Variants in SCFD2 observed in about 807,000 individuals in gnomAD.
SCFD2 encodes sec1 family domain-containing protein 2.
In SCFD2, 54 loss-of-function variants were observed where a neutral mutation model predicts 58.9. The ratio of observed to expected loss-of-function variants is 0.92; its 90% confidence interval spans 0.74 to 1.15. The LOEUF is 1.15. SCFD2 is among the 50% of genes most tolerant of loss of function. The probability of loss-of-function intolerance (pLI) is 0.00; values close to 1 mark genes in which losing one functional copy is unlikely to be tolerated. For missense variants in SCFD2, 805 were observed against 836.6 expected (o/e 0.96, Z 0.47); for synonymous variants, 321 against 335.9 (o/e 0.96, Z 0.49).
At chr4:53,219,477 C>T (rs542856388) in intron 4 of SCFD2, among the ~76,000 whole-genome samples, 8 of 152,288 alleles carry the variant, frequency 5.3e-5, no homozygotes, top group Middle Eastern at 3.4e-3. Context: ...TTGCTAAGAC[C>T]GTTGGAAAAG....
At chr4:53,051,271 C>T (rs1723184782) in intron 5 of SCFD2, among the ~76,000 whole-genome samples, 1 of 152,202 alleles carries the variant, frequency 6.6e-6, no homozygotes, top group Non-Finnish European at 1.5e-5. Flanking sequence ...AAATTTTCTT[C>T]TTCTTGGTAC....
At chr4:53,359,427 T>C (rs185154395) in intron 1 of SCFD2, among the ~76,000 whole-genome samples, 5 of 152,296 alleles carry the variant, frequency 3.3e-5, no homozygotes, top group African/African-American at 1.2e-4. Context: ...ATTCAAATCA[T>C]TTAAGTCATT....
At chr4:53,088,988 A>G (rs1724394307) in intron 5 of SCFD2, among the ~76,000 whole-genome samples, 1 of 151,922 alleles carries the variant, frequency 6.6e-6, no homozygotes, top group South Asian at 2.1e-4. Flanking sequence ...TATAAAAGAG[A>G]CTCTGGATAG....
intron 3 of SCFD2, among the ~76,000 whole-genome samples, chr4:53,286,651 G>A (rs1731677061): frequency 6.6e-6 from 1 of 152,126 alleles, no homozygotes; most frequent in Admixed American, 6.5e-5. Context: ...CTGTTCCAAG[G>A]GAAACAGAGC....
chr4:53,189,467 G>C (rs1727832778), intron 4 of SCFD2, among the ~76,000 whole-genome samples: 1 of 152,116 alleles, frequency 6.6e-6, no homozygotes, highest in Non-Finnish European at 1.5e-5. Flanking sequence ...TCATGGACTG[G>C]GTAGCTTAAA....
chr4:52,909,814 G>T (rs1442577935), intron 6 of SCFD2, among the ~76,000 whole-genome samples: 1 of 151,982 alleles, frequency 6.6e-6, no homozygotes, highest in Non-Finnish European at 1.5e-5. Flanking sequence ...AAATTAAGAG[G>T]TCTACTTCCA....
intron 4 of SCFD2, among the ~76,000 whole-genome samples, chr4:53,175,983 C>A (rs1487684954): frequency 6.6e-6 from 1 of 152,196 alleles, no homozygotes; most frequent in East Asian, 1.9e-4. Flanking sequence ...CCATTCCATT[C>A]TTCACACCTT....
intron 4 of SCFD2, among the ~76,000 whole-genome samples, chr4:53,238,047 G>A (rs570033162): frequency 6.7e-4 from 89 of 132,096 alleles, no homozygotes; most frequent in Middle Eastern, 5.3e-3. Flanking sequence ...CTGGCCGGGC[G>A]GGGGGCTGAC....
chr4:53,352,816 CA>C (rs1381436178), intron 1 of SCFD2, 50 bp from the exon 2 acceptor site: 15 of 1,495,578 alleles, frequency 1.0e-5, no homozygotes, highest in Non-Finnish European at 1.3e-5. Context: ...GAGGAAAAAG[CA>C]AGTTGGATAA....
chr4:53,183,095 G>A (rs1456438373), intron 4 of SCFD2, among the ~76,000 whole-genome samples: 1 of 152,136 alleles, frequency 6.6e-6, no homozygotes, highest in African/African-American at 2.4e-5. Context: ...TCAGTGTGGC[G>A]ATTCCTCAGG....
intron 4 of SCFD2, among the ~76,000 whole-genome samples, chr4:53,268,520 G>T (rs1442812773): frequency 3.3e-5 from 5 of 152,118 alleles, no homozygotes; most frequent in African/African-American, 1.2e-4. Context: ...CTCTGAGCGG[G>T]GTGGTGAGGG....
intron 8 of SCFD2, among the ~76,000 whole-genome samples, chr4:52,876,516 G>A (rs569114814): frequency 5.3e-5 from 8 of 152,016 alleles, no homozygotes; most frequent in Non-Finnish European, 2.9e-5. Context: ...TTGGGAGGCC[G>A]ATTTGGGTGG....
chr4:53,329,806 G>T (rs1225491934), intron 2 of SCFD2, among the ~76,000 whole-genome samples: 1 of 147,636 alleles, frequency 6.8e-6, no homozygotes, highest in Non-Finnish European at 1.5e-5. Flanking sequence ...TGAGCTACGG[G>T]AGGACACTCA....
chr4:52,898,543 T>C (rs1005318270), intron 7 of SCFD2, among the ~76,000 whole-genome samples: 1 of 152,360 alleles, frequency 6.6e-6, no homozygotes, highest in African/African-American at 2.4e-5. Context: ...TCTGTTCTTT[T>C]ACATTTGCTG....
intron 5 of SCFD2, among the ~76,000 whole-genome samples, chr4:53,115,490 A>G (rs1213179676): frequency 6.6e-6 from 1 of 152,160 alleles, no homozygotes; most frequent in Non-Finnish European, 1.5e-5. Context: ...AATGAATGTC[A>G]GTGAGAGGTA....
intron 5 of SCFD2, among the ~76,000 whole-genome samples, chr4:53,122,134 C>T (rs555324669): frequency 2.0e-5 from 3 of 152,094 alleles, no homozygotes; most frequent in South Asian, 2.1e-4. Context: ...CCCAGCACTT[C>T]GGGAGGCTGA....
rs1218378208 is a variant in SCFD2, at chr4:52,911,242, AC to A, written c.1708-3652del. Reference sequence around the variant, plus strand: ...AGGATTTGTTCTCAGGGGTCCTGTGACCCAGTGTAGACTGGGAGACAGGGGA... The same window carrying A: ...AGGATTTGTTCTCAGGGGTCCTGTGACCAGTGTAGACTGGGAGACAGGGGA... On this transcript the variant is annotated intron_variant, in intron 6 of 8. Transcript: ENST00000401642. Among the ~76,000 whole-genome samples the A allele has an allele frequency of 2.0e-5, 3 of 152,350 alleles. No homozygotes were observed. In the East Asian group the frequency reaches 5.8e-4, roughly 29 times the overall value.
intron 5 of SCFD2, among the ~76,000 whole-genome samples, chr4:53,055,878 T>C (rs1174543184): frequency 3.3e-5 from 5 of 152,056 alleles, no homozygotes; most frequent in African/African-American, 1.2e-4. Flanking sequence ...CTGGCTGCAG[T>C]GAAAATGAGC....
chr4:53,017,791 C>T (rs548668613), intron 5 of SCFD2, among the ~76,000 whole-genome samples: 17 of 152,270 alleles, frequency 1.1e-4, no homozygotes, highest in African/African-American at 3.8e-4. Context: ...CTCATTCCAC[C>T]CTCCTGGGTA....
Sources: allele counts gnomAD v4.1 joint callset (sites outside exome capture counted in the v4.1 genomes callset), GRCh38; gene constraint gnomAD v4.1.1; transcripts MANE v1.5; gene names NCBI Gene and HGNC (gene_info 2026-07-23, HGNC 2026-07-21).